The following TXN2 variants were observed in gnomAD, a reference collection of about 807,000 sequenced individuals.
The protein encoded by TXN2 is thioredoxin, mitochondrial.
A neutral mutation model predicts 14.6 loss-of-function variants in TXN2; 12 were observed. The observed-to-expected ratio is 0.82, with a 90% CI of 0.53 to 1.33. TXN2 has a LOEUF of 1.33. Among genes scored for constraint, TXN2 ranks in the 40% most tolerant of loss-of-function variants. The probability of loss-of-function intolerance (pLI) is 0.00; values close to 1 mark genes in which losing one functional copy is unlikely to be tolerated. For missense variants in TXN2, 173 were observed against 207.7 expected, an observed-to-expected ratio of 0.83 and a Z score of 1.03; for synonymous variants, 89 against 81.0, an observed-to-expected ratio of 1.10 and a Z score of -0.53.
intron 3 of TXN2, among the ~76,000 whole-genome samples, chr22:36,473,304 G>A (rs9622401): frequency 1.3e-5 from 2 of 152,108 alleles, no homozygotes; most frequent in African/African-American, 4.8e-5. Context: ...TTAGCTGGGC[G>A]TGGTCGTGGG....
chr22:36,470,035 T>A (rs1189633782), intron 3 of TXN2, among the ~76,000 whole-genome samples: 1 of 152,076 alleles, frequency 6.6e-6, no homozygotes, highest in Non-Finnish European at 1.5e-5. Flanking sequence ...AACTACAAAG[T>A]AAGAGCAGAG....
chr22:36,481,009 G>C (rs1441585894), intron 1 of TXN2, 172 bp from the exon 2 acceptor site: 1 of 702,958 alleles, frequency 1.4e-6, no homozygotes, highest in African/African-American at 1.8e-5. Context: ...GAATCAAAGG[G>C]AAGGAACAGC....
chr22:36,474,038 T>C (rs981946614), intron 3 of TXN2, among the ~76,000 whole-genome samples: 1 of 152,114 alleles, frequency 6.6e-6, no homozygotes, highest in South Asian at 2.1e-4. Flanking sequence ...GCCTGAGACA[T>C]CTGAAGCCCA....
At chr22:36,478,684 C>T (rs1314299571) in intron 2 of TXN2, among the ~76,000 whole-genome samples, 1 of 152,094 alleles carries the variant, frequency 6.6e-6, no homozygotes, top group African/African-American at 2.4e-5. Flanking sequence ...AAAAATAGGC[C>T]GGGCATAATG....
chr22:36,481,457 G>T, intron 1 of TXN2, 107 bp downstream of exon 1: 1 of 402,080 alleles, frequency 2.5e-6, no homozygotes, highest in Non-Finnish European at 3.5e-6. Context: ...CTGGCTCTCC[G>T]GCGAGCTAGA....
At chr22:36,476,236 G>A (rs1933382712) in intron 3 of TXN2, among the ~76,000 whole-genome samples, 1 of 152,206 alleles carries the variant, frequency 6.6e-6, no homozygotes, top group African/African-American at 2.4e-5. Context: ...AGGTGGTGAA[G>A]AGAGACAGGT....
chr22:36,479,266 G>C (rs193080828), intron 2 of TXN2, among the ~76,000 whole-genome samples: 46 of 152,152 alleles, frequency 3.0e-4, no homozygotes, highest in Middle Eastern at 3.4e-3. Context: ...GTGAGTCAGA[G>C]AAACAACTGG....
Position 36,471,307 on chromosome 22 carries a change from G to T in TXN2, c.388-3390C>A, listed in dbSNP as rs955579431. Reference sequence around the variant, plus strand: ...CCTTGGATAAAGACCCTCTGAACTCGGCAGGAGTGGGGGAGTGTGTACGTG... The same window carrying T: ...CCTTGGATAAAGACCCTCTGAACTCTGCAGGAGTGGGGGAGTGTGTACGTG... On this transcript the variant is annotated intron_variant, in intron 3 of 3. Coordinates refer to ENST00000216185, the MANE Select transcript of TXN2 (RefSeq NM_012473.4). Among the ~76,000 whole-genome samples the T allele has an allele frequency of 2.6e-5, 4 of 152,268 alleles. No individual in the cohort carries two copies. The East Asian group carries it at 7.7e-4, about 29-fold the overall frequency.
intron 3 of TXN2, among the ~76,000 whole-genome samples, chr22:36,474,558 GT>G (rs745734906): frequency 5.3e-5 from 8 of 152,174 alleles, no homozygotes; most frequent in Non-Finnish European, 1.0e-4. Flanking sequence ...GGAGGGAGGG[GT>G]GAAGGCTCAC....
intron 3 of TXN2, among the ~76,000 whole-genome samples, chr22:36,473,886 C>A (rs1303277186): frequency 6.6e-6 from 1 of 152,264 alleles, no homozygotes; most frequent in Non-Finnish European, 1.5e-5. Context: ...CCACGAGACA[C>A]TGGAGCAGGG....
At chr22:36,468,509 A>G (rs1212611725) in intron 3 of TXN2, 4 of 310,966 alleles carry the variant, frequency 1.3e-5, no homozygotes, top group Non-Finnish European at 2.6e-5. Context: ...GGATTGCTTG[A>G]GTTCAAGAGT....
Position 36,481,589 on chromosome 22 carries a change from G to C in TXN2, c.-26C>G, listed in dbSNP as rs904827422. 1.0e-6 allele frequency: 1 copy of C among 999,846 alleles called. No homozygotes were observed. The highest frequency in any genetic ancestry group is 1.2e-6 in the Non-Finnish European group (1 of 829,998). 61.9% of individuals were successfully genotyped at this position (999,846 alleles called of 1,614,324 possible). On this transcript the variant is annotated 5_prime_UTR_variant, in exon 1 of 4. Transcript: ENST00000216185. ...CTCCCTGCAATGCGAGCGGAGGGATGCACAGCCTAGCCCTCCCTGCCTGTC... is the reference window on the plus strand; with the variant it reads ...CTCCCTGCAATGCGAGCGGAGGGATCCACAGCCTAGCCCTCCCTGCCTGTC...
intron 3 of TXN2, 56 bp downstream of exon 3, chr22:36,476,677 T>C: frequency 6.2e-7 from 1 of 1,609,884 alleles, no homozygotes; most frequent in Non-Finnish European, 8.5e-7. Context: ...CAGCTATCCC[T>C]GGGCCTGACA....
At chr22:36,477,973 C>A (rs1933421294) in intron 2 of TXN2, among the ~76,000 whole-genome samples, 1 of 151,860 alleles carries the variant, frequency 6.6e-6, no homozygotes, top group South Asian at 2.1e-4. Flanking sequence ...CTCGTCTCTA[C>A]TAAAAATACA....
chr22:36,480,963 TGTAA>T, intron 1 of TXN2, 126 bp from the exon 2 acceptor site: 2 of 1,042,686 alleles, frequency 1.9e-6, no homozygotes, highest in Non-Finnish European at 2.6e-6. Flanking sequence ...GGAAATCATA[TGTAA>T]GATTTGTAGC....
intron 3 of TXN2, among the ~76,000 whole-genome samples, chr22:36,472,496 T>C (rs987304572): frequency 2.0e-5 from 3 of 152,180 alleles, no homozygotes; most frequent in East Asian, 1.9e-4. Flanking sequence ...CACCCTGGTA[T>C]GGGCTGTTGA....
chr22:36,473,268 C>G (rs569971457), intron 3 of TXN2, among the ~76,000 whole-genome samples: 2 of 152,144 alleles, frequency 1.3e-5, no homozygotes, highest in Non-Finnish European at 1.5e-5. Context: ...CATGGTAAAA[C>G]CTTGTCTCTA....
intron 3 of TXN2, among the ~76,000 whole-genome samples, chr22:36,470,567 T>C (rs927868190): frequency 6.6e-5 from 10 of 151,446 alleles, no homozygotes; most frequent in Non-Finnish European, 1.0e-4. Context: ...GTATAAGAAG[T>C]GGCCTAACTT....
chr22:36,476,925 G>A, intron 2 of TXN2, 69 bp from the exon 3 acceptor site: 1 of 1,590,920 alleles, frequency 6.3e-7, no homozygotes, highest in Non-Finnish European at 8.6e-7. Context: ...TGGCTTCCCA[G>A]ACCTGCATCT....
Sources: gnomAD v4.1 joint callset for allele counts (sites outside exome capture counted in the v4.1 genomes callset) on GRCh38, gnomAD v4.1.1 for gene constraint, MANE v1.5 for transcripts, NCBI Gene and HGNC (gene_info 2026-07-23, HGNC 2026-07-21) for gene names.